C10orf67: variants seen among roughly 807,000 people sequenced by gnomAD.
C10orf67 encodes the protein chromosome 10 open reading frame 67.
In C10orf67, 60 loss-of-function variants were observed where a neutral mutation model predicts 35.6. The observed-to-expected ratio is 1.68, with a 90% CI of 1.37 to 2.09. The LOEUF (loss-of-function observed/expected upper bound fraction) is 2.09. C10orf67 is among the 30% of genes most tolerant of loss of function. The pLI is 0.00. For synonymous variants in C10orf67, 167 were observed against 115.8 expected, an observed-to-expected ratio of 1.44 and a Z score of -2.84; for missense variants, 474 against 330.2, an observed-to-expected ratio of 1.44 and a Z score of -3.38.
chr10:23,278,619 G>A (rs1305786953), intron 8 of C10orf67, among the ~76,000 whole-genome samples: 1 of 152,158 alleles, frequency 6.6e-6, no homozygotes, highest in Non-Finnish European at 1.5e-5. Flanking sequence ...TGCCACGCCA[G>A]CATGAGGGTG....
intron 9 of C10orf67, 101 bp downstream of exon 9, chr10:23,267,094 A>C: frequency 1.6e-6 from 1 of 610,684 alleles, no homozygotes; most frequent in Non-Finnish European, 2.9e-6. Context: ...TTGGAAAGTG[A>C]AAAACCTCAG....
intron 10 of C10orf67, among the ~76,000 whole-genome samples, chr10:23,257,501 A>G (rs190480960): frequency 6.6e-6 from 1 of 152,304 alleles, no homozygotes; most frequent in Non-Finnish European, 1.5e-5. Context: ...TACCCACCAC[A>G]AAAAGAATAT....
At chr10:23,306,453 G>T (rs1844283261) in intron 4 of C10orf67, among the ~76,000 whole-genome samples, 1 of 151,570 alleles carries the variant, frequency 6.6e-6, no homozygotes, top group Non-Finnish European at 1.5e-5. Context: ...GAAGCCAGGA[G>T]GTGGAGGTTG....
intron 8 of C10orf67, among the ~76,000 whole-genome samples, chr10:23,279,038 G>C (rs1843282989): frequency 6.6e-6 from 1 of 152,160 alleles, no homozygotes; most frequent in Admixed American, 6.5e-5. Flanking sequence ...GATTGCTTGA[G>C]TCCAGGAGTT....
At chr10:23,210,789 A>G (rs1430000056) in intron 15 of C10orf67, among the ~76,000 whole-genome samples, 2 of 152,206 alleles carry the variant, frequency 1.3e-5, no homozygotes. Context: ...AGGCACATTT[A>G]TACACAAGCC....
chr10:23,284,300 A>T (rs1334636803), intron 7 of C10orf67, among the ~76,000 whole-genome samples: 1 of 151,326 alleles, frequency 6.6e-6, no homozygotes, highest in African/African-American at 2.4e-5. Flanking sequence ...CTGGAGCCAC[A>T]TCCAGTCACA....
intron 8 of C10orf67, among the ~76,000 whole-genome samples, chr10:23,276,997 GT>G (rs1480843673): frequency 6.6e-6 from 1 of 152,144 alleles, no homozygotes; most frequent in Non-Finnish European, 1.5e-5. Flanking sequence ...CTGGCTAAGA[GT>G]TTTTCCTTAT....
Position 23,204,252 on chromosome 10 carries a change from T to C in C10orf67, c.1574A>G (p.Lys525Arg). 1.5e-6 allele frequency: 1 copy of C among 649,998 alleles called. No homozygotes were observed. Among genetic ancestry groups the C allele is most frequent in the South Asian group, 1.7e-5 (1 of 57,862 alleles). 40.3% of individuals were successfully genotyped at this position (649,998 alleles called of 1,614,324 possible). ...QAALQLSPKG[K>R]LSESPKEESL... is the part of the protein sequence containing the mutation. The stretch of plus-strand genomic sequence containing the variant: ...CTCTTCTTTTGGGGATTCCGACAAC[T>C]TCCCTAAACGTGAAGAAAGGTGGAC... The change falls in exon 16 of 16, where the codon AAG becomes AGG. Residue 525 changes from lysine to arginine, a missense_variant. Lys to Arg is a conservative substitution (Grantham distance 26). Coordinates refer to ENST00000636213, the MANE Select transcript of C10orf67 (RefSeq NM_001371909.1).
intron 2 of C10orf67, among the ~76,000 whole-genome samples, chr10:23,329,812 A>AAAAAAAAAAAAAAAG (rs905791499): frequency 6.7e-6 from 1 of 148,506 alleles, no homozygotes; most frequent in South Asian, 2.1e-4. Context: ...AAAAAAAAAA[A>AAAAAAAAAAAAAAAG]AAAAGAAAAG....
chr10:23,334,698 G>A (rs181062558), intron 1 of C10orf67, among the ~76,000 whole-genome samples: 1 of 152,312 alleles, frequency 6.6e-6, no homozygotes, highest in East Asian at 1.9e-4. Flanking sequence ...ACCCAGGTCT[G>A]AAGAGGGAGA....
At chr10:23,318,524 T>G (rs1844823738) in intron 4 of C10orf67, 1 of 194,776 alleles carries the variant, frequency 5.1e-6, no homozygotes, top group Non-Finnish European at 1.0e-5. Flanking sequence ...TCCTCCACAT[T>G]CTGTGTTTAT....
intron 12 of C10orf67, among the ~76,000 whole-genome samples, chr10:23,249,832 T>A (rs1842403998): frequency 6.6e-6 from 1 of 152,146 alleles, no homozygotes; most frequent in Admixed American, 6.5e-5. Context: ...CCCCAGGGAA[T>A]CTGGGGGAAA....
intron 12 of C10orf67, 74 bp from the exon 13 acceptor site, chr10:23,239,890 G>A (rs1842139293): frequency 2.0e-6 from 1 of 501,488 alleles, no homozygotes; most frequent in Non-Finnish European, 3.8e-6. Flanking sequence ...TTATGTTAAT[G>A]AGGTAGGAAA....
intron 13 of C10orf67, among the ~76,000 whole-genome samples, chr10:23,226,855 T>C (rs984287644): frequency 1.4e-4 from 22 of 152,156 alleles, no homozygotes; most frequent in African/African-American, 5.3e-4. Flanking sequence ...ATGGAAAAAT[T>C]CCTGGACACA....
chr10:23,282,007 T>A lies in C10orf67; in HGVS notation c.975+6A>T, dbSNP rs918158873. 8.2e-6 allele frequency: 5 copies of A among 606,944 alleles called. No homozygotes were observed. Among genetic ancestry groups the A allele is most frequent in the Non-Finnish European group, 1.5e-5 (5 of 336,086 alleles). 37.6% of individuals were successfully genotyped at this position (606,944 alleles called of 1,614,324 possible). ...ATTTGTTAGGAAATAATGTAAATCATCTTACCACATCCTGAACTAATGATT... is the reference window on the plus strand; with the variant it reads ...ATTTGTTAGGAAATAATGTAAATCAACTTACCACATCCTGAACTAATGATT... On this transcript the variant is annotated splice_donor_region_variant and intron_variant, in intron 8 of 15. Coordinates refer to ENST00000636213, the MANE Select transcript of C10orf67 (RefSeq NM_001371909.1).
At chr10:23,246,548 T>C (rs892796351) in intron 12 of C10orf67, among the ~76,000 whole-genome samples, 1 of 151,864 alleles carries the variant, frequency 6.6e-6, no homozygotes, top group Admixed American at 6.6e-5. Context: ...ATATCAGGAA[T>C]GAAAAAGGGA....
chr10:23,225,518 A>C (rs764724570), intron 13 of C10orf67, among the ~76,000 whole-genome samples: 25 of 152,308 alleles, frequency 1.6e-4, no homozygotes, highest in Non-Finnish European at 2.4e-4. Flanking sequence ...CACACATAAC[A>C]ATATTAACCA....
rs1240359679 is a variant in C10orf67, at chr10:23,223,767, A to G, written c.1486T>C (p.Ser496Pro). 2.8e-6 allele frequency: 2 copies of G among 715,666 alleles called. No homozygotes were observed. The allele number at this position is 715,666 out of a possible 1,614,324, so 44.3% of individuals were successfully genotyped here. The part of the protein sequence containing the change: ...QSRTTMTAIS[S>P]SSHCTSSIDG... Reference sequence around the variant, plus strand: ...ACTGAAGATGTACAATGACTTGAAGAGGATATAGCTGTCATGGTCGTTCTA... The same window carrying G: ...ACTGAAGATGTACAATGACTTGAAGGGGATATAGCTGTCATGGTCGTTCTA... Residue 496 changes from serine (S) to proline (P), a missense_variant, in exon 14 of 16, where the codon TCT becomes CCT. Ser to Pro is a moderately conservative substitution (Grantham distance 74, BLOSUM62 -1). Transcript: ENST00000636213.
intron 15 of C10orf67, among the ~76,000 whole-genome samples, chr10:23,213,117 T>G (rs898503659): frequency 6.6e-6 from 1 of 152,054 alleles, no homozygotes; most frequent in African/African-American, 2.4e-5. Flanking sequence ...GTCACTAAAA[T>G]GAAACACTAA....
Sources: allele counts gnomAD v4.1 joint callset (sites outside exome capture counted in the v4.1 genomes callset), GRCh38; gene constraint gnomAD v4.1.1; transcripts MANE v1.5; gene names NCBI Gene and HGNC (gene_info 2026-07-23, HGNC 2026-07-21).